FOXP2: variants seen among roughly 807,000 people sequenced by gnomAD.
FOXP2 encodes forkhead box protein P2.
A neutral mutation model predicts 115.8 loss-of-function variants in FOXP2; 12 were observed. The ratio of observed to expected loss-of-function variants is 0.10; its 90% confidence interval spans 0.07 to 0.17. The LOEUF (loss-of-function observed/expected upper bound fraction) is 0.17, where lower values mean the gene tolerates loss of function less well. Ranked by LOEUF, FOXP2 falls within the 10% of genes least tolerant of loss-of-function variation. The pLI, the probability that FOXP2 is intolerant of heterozygous loss-of-function variation, is 1.00. For missense variants in FOXP2, 629 were observed against 843.5 expected (o/e 0.75, Z 3.15); for synonymous variants, 328 against 297.7 (o/e 1.10, Z -1.05).
chr7:114,323,991 T>C (rs1006055467), intron 2 of FOXP2, among the ~76,000 whole-genome samples: 10 of 152,034 alleles, frequency 6.6e-5, no homozygotes, highest in African/African-American at 2.4e-4. Context: ...CCTATCAATA[T>C]TTTGGAACTA....
intron 8 of FOXP2, among the ~76,000 whole-genome samples, chr7:114,646,617 T>C (rs1805914905): frequency 6.6e-6 from 1 of 151,996 alleles, no homozygotes; most frequent in Admixed American, 6.6e-5. Flanking sequence ...TTTAAAGCCT[T>C]TTTTTAGTCC....
At position 114,644,748 on chromosome 7, in the gene FOXP2, A is replaced by G. The variant is rs752446566; in HGVS notation, c.1053A>G (p.Pro351=). The change falls in exon 8 of 17, where the codon CCA becomes CCG. Residue 351 remains proline (P), a synonymous_variant. Transcript: ENST00000350908. ...ATGGCCATGGAGTTTGCAAATGGCC[A>G]GGCTGTGAAAGCATTTGTGAAGATT... ...TLYGHGVCKW[P]GCESICEDFG... 1 of 1,613,026 alleles carries G rather than the reference A, an allele frequency of 6.2e-7. No homozygotes were observed. Among genetic ancestry groups the G allele is most frequent in the Non-Finnish European group, 8.5e-7 (1 of 1,179,304 alleles).
intron 3 of FOXP2, among the ~76,000 whole-genome samples, chr7:114,604,502 A>C (rs1803203955): frequency 6.6e-6 from 1 of 152,206 alleles, no homozygotes; most frequent in Admixed American, 6.6e-5. Flanking sequence ...TTGCATTCAA[A>C]TATTTTTACA....
chr7:114,314,125 A>G (rs73206277), intron 2 of FOXP2, among the ~76,000 whole-genome samples: 21,805 of 151,920 alleles, frequency 0.14, 2,254 homozygotes, highest in Non-Finnish European at 0.22. Context: ...ATGTACGTGT[A>G]TTTGAGTTCT....
chr7:114,394,937 G>T (rs192016269), intron 2 of FOXP2, among the ~76,000 whole-genome samples: 1 of 152,182 alleles, frequency 6.6e-6, no homozygotes, highest in Admixed American at 6.5e-5. Flanking sequence ...CTGAGCATTA[G>T]ATCGTGTGAA....
chr7:114,576,265 T>C (rs1801569938), intron 3 of FOXP2, among the ~76,000 whole-genome samples: 1 of 151,930 alleles, frequency 6.6e-6, no homozygotes, highest in Non-Finnish European at 1.5e-5. Context: ...TTAATCTTTT[T>C]TTCTACTGTA....
At chr7:114,129,623 G>A (rs1388944910) in intron 1 of FOXP2, among the ~76,000 whole-genome samples, 1 of 152,204 alleles carries the variant, frequency 6.6e-6, no homozygotes, top group Non-Finnish European at 1.5e-5. Context: ...TCCAAGGGAT[G>A]TCATCTTACT....
At chr7:114,532,230 C>T (rs187449038) in intron 2 of FOXP2, among the ~76,000 whole-genome samples, 101 of 151,766 alleles carry the variant, frequency 6.7e-4, no homozygotes, top group Non-Finnish European at 1.1e-3. Flanking sequence ...AAATGAAATC[C>T]GAGTTAAGGA....
chr7:114,300,728 A>C (rs1005527462), intron 2 of FOXP2, among the ~76,000 whole-genome samples: 4 of 152,056 alleles, frequency 2.6e-5, no homozygotes, highest in African/African-American at 9.7e-5. Context: ...TCACAACATC[A>C]TTAGAAACTG....
At chr7:114,347,313 C>T (rs1053481664) in intron 2 of FOXP2, among the ~76,000 whole-genome samples, 2 of 151,808 alleles carry the variant, frequency 1.3e-5, no homozygotes, top group African/African-American at 2.4e-5. Flanking sequence ...CTATACAATA[C>T]GCACACATAT....
chr7:114,635,550 T>C (rs1214949941), intron 6 of FOXP2, among the ~76,000 whole-genome samples: 1 of 152,180 alleles, frequency 6.6e-6, no homozygotes, highest in Non-Finnish European at 1.5e-5. Context: ...ATGCTGTTAA[T>C]TTTATGTTTA....
intron 1 of FOXP2, among the ~76,000 whole-genome samples, chr7:114,189,529 G>C (rs1584533956): frequency 6.6e-6 from 1 of 152,020 alleles, no homozygotes; most frequent in South Asian, 2.1e-4. Flanking sequence ...GAAAGACTTG[G>C]ATAGAATATT....
intron 1 of FOXP2, among the ~76,000 whole-genome samples, chr7:114,256,541 C>T (rs766500765): frequency 3.3e-5 from 5 of 152,052 alleles, no homozygotes; most frequent in African/African-American, 7.2e-5. Context: ...ACTTTTTAAT[C>T]GGGTTGTTTG....
At chr7:114,124,139 T>C (rs1378996280) in intron 1 of FOXP2, among the ~76,000 whole-genome samples, 1 of 152,038 alleles carries the variant, frequency 6.6e-6, no homozygotes, top group Non-Finnish European at 1.5e-5. Flanking sequence ...GTCAAAATGG[T>C]TATTTGGAGA....
At chr7:114,405,680 T>C (rs1261010307) in intron 2 of FOXP2, among the ~76,000 whole-genome samples, 2 of 151,810 alleles carry the variant, frequency 1.3e-5, no homozygotes, top group African/African-American at 4.8e-5. Flanking sequence ...TGAAAATGGG[T>C]GTAGTGTTAA....
chr7:114,624,788 A>G (rs1320542717), intron 3 of FOXP2, among the ~76,000 whole-genome samples: 1 of 151,610 alleles, frequency 6.6e-6, no homozygotes, highest in African/African-American at 2.4e-5. Context: ...TATGATTTAC[A>G]TATGATTTTA....
intron 1 of FOXP2, among the ~76,000 whole-genome samples, chr7:114,418,729 G>C (rs961268274): frequency 6.6e-6 from 1 of 151,128 alleles, no homozygotes; most frequent in Non-Finnish European, 1.5e-5. Flanking sequence ...AGAACCTGTC[G>C]ATCGCAAAGG....
At chr7:114,562,076 C>G (rs1024495900) in intron 3 of FOXP2, among the ~76,000 whole-genome samples, 4 of 152,146 alleles carry the variant, frequency 2.6e-5, no homozygotes, top group Non-Finnish European at 5.9e-5. Flanking sequence ...CCACCTCCAC[C>G]CACCTGGACT....
At chr7:114,428,861 A>G (rs1000747630) in intron 2 of FOXP2, among the ~76,000 whole-genome samples, 4 of 151,720 alleles carry the variant, frequency 2.6e-5, no homozygotes, top group African/African-American at 4.8e-5. Context: ...CAAGAAGTGA[A>G]AAAGTGAAAT....
Sources: gnomAD v4.1 joint callset for allele counts (sites outside exome capture counted in the v4.1 genomes callset) on GRCh38, gnomAD v4.1.1 for gene constraint, MANE v1.5 for transcripts, NCBI Gene and HGNC (gene_info 2026-07-23, HGNC 2026-07-21) for gene names.